CUX2: variants seen among roughly 807,000 people sequenced by gnomAD.
CUX2 encodes homeobox protein cut-like 2.
CUX2 carries 40 observed loss-of-function variants against 144.8 expected under a neutral mutation model. That is an observed-to-expected ratio of 0.28 (90% CI 0.21 to 0.36). The LOEUF is 0.36. Ranked by LOEUF, CUX2 falls within the 10% of genes least tolerant of loss-of-function variation. CUX2 has a pLI of 1.00. For missense variants in CUX2, 1,615 were observed against 1,994.0 expected (o/e 0.81, Z 3.62); for synonymous variants, 827 against 875.6 (o/e 0.94, Z 0.98).
At position 111,311,956 on chromosome 12, in the gene CUX2, T is replaced by C. The variant is rs1464258062; in HGVS notation, c.1901-144T>C. On this transcript the variant is annotated intron_variant, in intron 15 of 21. Transcript: ENST00000261726. ...ACTCACAGGCCCACAGTTTGTTACA[T>C]AGACTAAGCAGTGGCCCTGCCATCT... 38 of 579,710 alleles carry C rather than the reference T, an allele frequency of 6.6e-5. No individual in the cohort carries two copies. In the East Asian group the frequency reaches 9.6e-4, roughly 15 times the overall value. The allele number at this position is 579,710 out of a possible 1,614,324, so 35.9% of individuals were successfully genotyped here.
Position 111,298,479 on chromosome 12 carries a change from G to T in CUX2, c.705-62G>T, listed in dbSNP as rs879141608. 15 of 1,525,938 alleles carry T rather than the reference G, an allele frequency of 9.8e-6. 1 individual carries two copies. In the South Asian group the frequency reaches 1.8e-4, roughly 18 times the overall value. The allele number at this position is 1,525,938 out of a possible 1,614,324, so 94.5% of individuals were successfully genotyped here. ...CTCAGGCAGGGGCTGGGGGTGTCAG[G>T]AGGGGCGGGGGCCTGGAGCCCGCCG... On this transcript the variant is annotated intron_variant, in intron 8 of 21. Transcript: ENST00000261726.
chr12:111,329,203 C>T (rs930646631), intron 18 of CUX2, among the ~76,000 whole-genome samples: 1 of 151,302 alleles, frequency 6.6e-6, no homozygotes, highest in Non-Finnish European at 1.5e-5. Context: ...AGGAAAGTCG[C>T]GGGCAGACTG....
At chr12:111,058,545 G>A (rs1302090530) in intron 1 of CUX2, among the ~76,000 whole-genome samples, 1 of 152,030 alleles carries the variant, frequency 6.6e-6, no homozygotes, top group Non-Finnish European at 1.5e-5. Flanking sequence ...CAGAGAGAGA[G>A]AGACAGAGAG....
intron 3 of CUX2, among the ~76,000 whole-genome samples, chr12:111,238,380 A>C (rs1380013571): frequency 1.3e-5 from 2 of 152,250 alleles, no homozygotes; most frequent in Non-Finnish European, 1.5e-5. Flanking sequence ...ATGTTGGCAG[A>C]CATTGCTGTA....
intron 3 of CUX2, among the ~76,000 whole-genome samples, chr12:111,251,253 T>C (rs1183565620): frequency 6.6e-6 from 1 of 152,154 alleles, no homozygotes; most frequent in Non-Finnish European, 1.5e-5. Flanking sequence ...CCCCTTTGTT[T>C]TGAGTGACAA....
At chr12:111,104,044 A>T (rs531718604) in intron 1 of CUX2, among the ~76,000 whole-genome samples, 17 of 152,158 alleles carry the variant, frequency 1.1e-4, no homozygotes, top group Non-Finnish European at 2.1e-4. Flanking sequence ...CTTTTACCTA[A>T]ACCTAACCTA....
At position 111,034,620 on chromosome 12, in the gene CUX2, C is replaced by T. The variant is rs954187937; in HGVS notation, c.63+380C>T. Among the ~76,000 whole-genome samples the T allele has an allele frequency of 2.0e-5, 3 of 151,334 alleles. No individual in the cohort carries two copies. The highest frequency in any genetic ancestry group is 7.3e-5 in the African/African-American group (3 of 41,366). On this transcript the variant is annotated intron_variant, in intron 1 of 21. Coordinates refer to ENST00000261726, the MANE Select transcript of CUX2 (RefSeq NM_015267.4). This position sits in a 1 kb window ranked among gnomAD's most constrained non-coding sequence, Gnocchi z 4.2. ...GAGCCGCACTTTGCGCGCCTCCCAA[C>T]TTCGCGGCGCCCGGGGAGGCCGCGG...
intron 1 of CUX2, among the ~76,000 whole-genome samples, chr12:111,052,039 CT>C (rs1203449368): frequency 6.6e-6 from 1 of 152,092 alleles, no homozygotes; most frequent in East Asian, 1.9e-4. Context: ...GCCCTCTGTT[CT>C]TGATCCTGAG....
intron 3 of CUX2, among the ~76,000 whole-genome samples, chr12:111,253,430 C>T (rs1380256057): frequency 5.9e-5 from 9 of 152,122 alleles, no homozygotes; most frequent in Admixed American, 5.2e-4. Context: ...CTGCCGTTCT[C>T]GCTGTCTGCA....
Position 111,263,250 on chromosome 12 carries a change from G to A in CUX2, c.223-511G>A, listed in dbSNP as rs986033732. Among the ~76,000 whole-genome samples the A allele has an allele frequency of 1.3e-5, 2 of 152,062 alleles. No homozygotes were observed. Among genetic ancestry groups the A allele is most frequent in the African/African-American group, 4.8e-5 (2 of 41,406 alleles). ...TTTGGGAGGCCGAGGCAGGGGAATC[G>A]CAGGAGGTCGAGACAAGCCTGGGCA... is the stretch of plus-strand genomic sequence containing the variant. On this transcript the variant is annotated intron_variant, in intron 3 of 21. Coordinates refer to ENST00000261726, the MANE Select transcript of CUX2 (RefSeq NM_015267.4). The surrounding 1 kb of genome is among the most constrained non-coding windows in gnomAD (Gnocchi z 4.0).
intron 1 of CUX2, among the ~76,000 whole-genome samples, chr12:111,136,301 G>A (rs188691066): frequency 3.9e-5 from 6 of 152,120 alleles, no homozygotes; most frequent in East Asian, 1.9e-4. Context: ...GAGAGAGAGC[G>A]GAGTCCACAA....
chr12:111,308,744 C>G (rs1886726808), intron 14 of CUX2, among the ~76,000 whole-genome samples: 1 of 152,180 alleles, frequency 6.6e-6, no homozygotes, highest in African/African-American at 2.4e-5. Flanking sequence ...TGGGCCCTTC[C>G]AAGGCCCCCT....
At chr12:111,313,511 G>A (rs924511572) in intron 16 of CUX2, among the ~76,000 whole-genome samples, 3 of 148,106 alleles carry the variant, frequency 2.0e-5, no homozygotes, top group East Asian at 2.2e-4. Flanking sequence ...GCGTGGTGGC[G>A]CACGCCTGTA....
chr12:111,235,078 G>C (rs1462520441), intron 3 of CUX2, among the ~76,000 whole-genome samples: 1 of 152,128 alleles, frequency 6.6e-6, no homozygotes, highest in African/African-American at 2.4e-5. Flanking sequence ...TAGTACATAG[G>C]TTTGTCAAGA....
chr12:111,159,279 G>A (rs563827111), intron 1 of CUX2, among the ~76,000 whole-genome samples: 1 of 151,966 alleles, frequency 6.6e-6, no homozygotes, highest in African/African-American at 2.4e-5. Context: ...TTCAAAGGTA[G>A]CTGAGATTAC....
At chr12:111,195,300 A>G (rs1302989847) in intron 1 of CUX2, among the ~76,000 whole-genome samples, 6 of 152,084 alleles carry the variant, frequency 3.9e-5, no homozygotes, top group Non-Finnish European at 8.8e-5. Context: ...TTTTAGAAAA[A>G]TGCTGGTATG....
At chr12:111,200,194 A>G (rs1291990218) in intron 1 of CUX2, among the ~76,000 whole-genome samples, 2 of 151,928 alleles carry the variant, frequency 1.3e-5, no homozygotes, top group South Asian at 2.1e-4. Flanking sequence ...GAACTCTCCC[A>G]CAGCTGGATC....
intron 1 of CUX2, among the ~76,000 whole-genome samples, chr12:111,051,583 A>C (rs1870269168): frequency 6.6e-6 from 1 of 151,508 alleles, no homozygotes; most frequent in Non-Finnish European, 1.5e-5. Context: ...TGCATTATAT[A>C]TCTTTTTGTA....
At chr12:111,278,682 T>C (rs562853607) in intron 4 of CUX2, among the ~76,000 whole-genome samples, 2 of 152,346 alleles carry the variant, frequency 1.3e-5, no homozygotes, top group South Asian at 4.1e-4. Flanking sequence ...CAAGATTCCC[T>C]TGGTGTTCCA....
Sources: gnomAD v4.1 joint callset for allele counts (sites outside exome capture counted in the v4.1 genomes callset) on GRCh38, gnomAD v4.1.1 for gene constraint, Gnocchi (gnomAD v3.1) non-coding constraint, MANE v1.5 for transcripts, NCBI Gene and HGNC (gene_info 2026-07-23, HGNC 2026-07-21) for gene names.